Variants in ASAP1 observed in about 807,000 individuals in gnomAD.
ASAP1 encodes ArfGAP with SH3 domain, ankyrin repeat and PH domain 1.
ASAP1 carries 43 observed loss-of-function variants against 145.2 expected under a neutral mutation model. That is an observed-to-expected ratio of 0.30 (90% CI 0.23 to 0.38). The LOEUF is 0.38. Among genes scored for constraint, ASAP1 ranks in the 10% least tolerant of loss-of-function variants. The pLI, the probability that ASAP1 is intolerant of heterozygous loss-of-function variation, is 1.00. For synonymous variants in ASAP1, 546 were observed against 515.5 expected (o/e 1.06, Z -0.80); for missense variants, 1,018 against 1,355.3 (o/e 0.75, Z 3.91).
intron 2 of ASAP1, chr8:130,361,609 A>C: frequency 6.6e-6 from 8 of 1,212,448 alleles, no homozygotes; most frequent in Non-Finnish European, 9.4e-6. Flanking sequence ...TGCTTTGGTA[A>C]GTATATACCT....
intron 16 of ASAP1, among the ~76,000 whole-genome samples, chr8:130,126,694 C>T (rs1469161074): frequency 6.6e-6 from 1 of 152,200 alleles, no homozygotes; most frequent in Admixed American, 6.5e-5. Flanking sequence ...CTGGTCAATG[C>T]TTGAGATTTT....
chr8:130,429,300 C>T (rs1404257206), intron 1 of ASAP1, among the ~76,000 whole-genome samples: 1 of 152,190 alleles, frequency 6.6e-6, no homozygotes, highest in East Asian at 1.9e-4. Context: ...CTGTAACAGT[C>T]ATCTTCATCA....
intron 3 of ASAP1, among the ~76,000 whole-genome samples, chr8:130,352,677 G>A (rs532650939): frequency 3.1e-4 from 47 of 152,266 alleles, no homozygotes; most frequent in African/African-American, 1.1e-3. Context: ...ATACTTAACT[G>A]CTGTAATCCT....
At chr8:130,299,319 G>A (rs944317205) in intron 3 of ASAP1, among the ~76,000 whole-genome samples, 1 of 152,230 alleles carries the variant, frequency 6.6e-6, no homozygotes, top group African/African-American at 2.4e-5. Flanking sequence ...AATGTTTGGA[G>A]ATGTTGGCAA....
At chr8:130,376,120 G>A (rs1827479018) in intron 2 of ASAP1, among the ~76,000 whole-genome samples, 1 of 152,180 alleles carries the variant, frequency 6.6e-6, no homozygotes, top group South Asian at 2.1e-4. Context: ...AGTAATTCAG[G>A]TTGTTTCTCT....
intron 11 of ASAP1, among the ~76,000 whole-genome samples, chr8:130,161,203 T>A (rs2097668491): frequency 6.6e-6 from 1 of 152,210 alleles, no homozygotes; most frequent in Non-Finnish European, 1.5e-5. Flanking sequence ...ACTTTTTTTT[T>A]TTATTTTTCC....
intron 3 of ASAP1, among the ~76,000 whole-genome samples, chr8:130,304,178 G>T (rs1822848621): frequency 6.6e-6 from 1 of 150,592 alleles, no homozygotes; most frequent in South Asian, 2.2e-4. Context: ...TGGATTAATG[G>T]AGTAGTCTTT....
At chr8:130,146,018 T>G (rs890218671) in intron 13 of ASAP1, among the ~76,000 whole-genome samples, 5 of 144,678 alleles carry the variant, frequency 3.5e-5, no homozygotes, top group East Asian at 2.0e-4. Flanking sequence ...AGTTTTGTGT[T>G]TTTTTTTTTT....
chr8:130,052,936 C>T lies in ASAP1; in HGVS notation c.*1795G>A, dbSNP rs1442749600. On this transcript the variant is annotated 3_prime_UTR_variant, in exon 30 of 30. Transcript: ENST00000518721. Reference sequence around the variant, plus strand: ...GCTGCTAAAGCTGCCAGTCACAACCCAGCATGTCAACTGGTTCCTCATGCT... The same window carrying T: ...GCTGCTAAAGCTGCCAGTCACAACCTAGCATGTCAACTGGTTCCTCATGCT... 1 of 152,156 alleles carries T rather than the reference C, an allele frequency of 6.6e-6. No homozygotes were observed. Among genetic ancestry groups the T allele is most frequent in the East Asian group, 1.9e-4 (1 of 5,192 alleles). 9.4% of individuals were successfully genotyped at this position (152,156 alleles called of 1,614,324 possible).
At chr8:130,204,666 G>A (rs566736798) in intron 5 of ASAP1, among the ~76,000 whole-genome samples, 7 of 152,256 alleles carry the variant, frequency 4.6e-5, no homozygotes, top group Admixed American at 2.6e-4. Context: ...GTATGCATAC[G>A]CTTCTCTAGT....
At chr8:130,101,037 A>C (rs1486093491) in intron 24 of ASAP1, among the ~76,000 whole-genome samples, 1 of 152,174 alleles carries the variant, frequency 6.6e-6, no homozygotes, top group Non-Finnish European at 1.5e-5. Context: ...TTAAAGAAGG[A>C]TCCTTTCCCC....
intron 3 of ASAP1, among the ~76,000 whole-genome samples, chr8:130,281,310 T>C (rs1256838989): frequency 6.6e-6 from 1 of 152,244 alleles, no homozygotes; most frequent in Non-Finnish European, 1.5e-5. Flanking sequence ...TATAGCTTTC[T>C]CCATTGCTTT....
At chr8:130,072,824 T>TGTGTGTGTGCGCGTGTGCGTGC in intron 27 of ASAP1, among the ~76,000 whole-genome samples, 1 of 32,282 alleles carries the variant, frequency 3.1e-5, no homozygotes, top group African/African-American at 1.2e-4. Flanking sequence ...TGTGTGTGTG[T>TGTGTGTGTGCGCGTGTGCGTGC]GCGCGCGGGG....
intron 2 of ASAP1, among the ~76,000 whole-genome samples, chr8:130,393,615 G>A (rs1042335139): frequency 1.3e-5 from 2 of 152,130 alleles, no homozygotes; most frequent in Non-Finnish European, 2.9e-5. Flanking sequence ...AATTAGCCAG[G>A]CATGGTGGCA....
intron 3 of ASAP1, among the ~76,000 whole-genome samples, chr8:130,243,604 C>T (rs755324259): frequency 2.0e-5 from 3 of 152,204 alleles, no homozygotes; most frequent in African/African-American, 7.2e-5. Flanking sequence ...GTTCCAGCCA[C>T]ACCTACAGTC....
At chr8:130,242,283 A>AAC (rs56821632) in intron 3 of ASAP1, among the ~76,000 whole-genome samples, 4 of 122,764 alleles carry the variant, frequency 3.3e-5, no homozygotes, top group Non-Finnish European at 5.4e-5. Context: ...AAAAAAAAAA[A>AAC]CAACTTTTTT....
At chr8:130,395,058 AT>A (rs1828464006) in intron 2 of ASAP1, among the ~76,000 whole-genome samples, 1 of 152,202 alleles carries the variant, frequency 6.6e-6, no homozygotes, top group Non-Finnish European at 1.5e-5. Flanking sequence ...AAGAAAGAGC[AT>A]TTCCCATCAA....
At chr8:130,189,601 T>A (rs1209124466) in intron 5 of ASAP1, among the ~76,000 whole-genome samples, 1 of 152,232 alleles carries the variant, frequency 6.6e-6, no homozygotes, top group East Asian at 1.9e-4. Context: ...CTGTGAATAG[T>A]GCTCCGATGA....
At chr8:130,324,091 G>A (rs762755124) in intron 3 of ASAP1, among the ~76,000 whole-genome samples, 3 of 152,112 alleles carry the variant, frequency 2.0e-5, no homozygotes, top group Non-Finnish European at 2.9e-5. Context: ...CAAACCCTCT[G>A]AGTCAATCAT....
Sources: gnomAD v4.1 joint callset for allele counts (sites outside exome capture counted in the v4.1 genomes callset) on GRCh38, gnomAD v4.1.1 for gene constraint, MANE v1.5 for transcripts, NCBI Gene and HGNC (gene_info 2026-07-23, HGNC 2026-07-21) for gene names.